NKAIN3: variants seen among roughly 807,000 people sequenced by gnomAD.
NKAIN3 encodes sodium/potassium transporting ATPase interacting 3.
In NKAIN3, 25 loss-of-function variants were observed where a neutral mutation model predicts 30.2. The observed-to-expected ratio is 0.83, with a 90% confidence interval of 0.60 to 1.16. The LOEUF is 1.16. Ranked by LOEUF, NKAIN3 falls within the 50% of genes most tolerant of loss-of-function variation. The pLI, the probability that NKAIN3 is intolerant of heterozygous loss-of-function variation, is 0.00. For missense variants in NKAIN3, 225 were observed against 254.1 expected, an observed-to-expected ratio of 0.89 and a Z score of 0.78; for synonymous variants, 91 against 89.6, an observed-to-expected ratio of 1.02 and a Z score of -0.09.
Position 62,932,279 on chromosome 8 carries a change from C to T in NKAIN3, c.532+13766C>T, listed in dbSNP as rs190585644. Among the ~76,000 whole-genome samples, 8 of 152,250 alleles carry T rather than the reference C, an allele frequency of 5.3e-5. 1 individual carries two copies. The highest frequency in any genetic ancestry group is 3.9e-4 in the Admixed American group (6 of 15,298). ...TGAGTTAGGCCATGCCACAAGGATA[C>T]AGAGATTAATAAAACTCGATCTGCC... On this transcript the variant is annotated intron_variant, in intron 5 of 6. Coordinates refer to ENST00000623646, the MANE Select transcript of NKAIN3 (RefSeq NM_001304533.3).
intron 4 of NKAIN3, among the ~76,000 whole-genome samples, chr8:62,748,409 C>A (rs770010383): frequency 6.6e-6 from 1 of 152,170 alleles, no homozygotes; most frequent in Non-Finnish European, 1.5e-5. Flanking sequence ...GTGAAGTCAA[C>A]ACGCAAGCAT....
chr8:62,870,801 C>G (rs1380361438), intron 4 of NKAIN3, among the ~76,000 whole-genome samples: 1 of 148,260 alleles, frequency 6.7e-6, no homozygotes, highest in Non-Finnish European at 1.5e-5. Flanking sequence ...GGGTCTGTCC[C>G]TCTGGAATGC....
At chr8:62,481,598 G>A (rs1164692942) in intron 1 of NKAIN3, among the ~76,000 whole-genome samples, 2 of 152,192 alleles carry the variant, frequency 1.3e-5, no homozygotes, top group African/African-American at 4.8e-5. Flanking sequence ...GTAAAAGTCT[G>A]TTGATGTGAT....
Position 62,980,405 on chromosome 8 carries a change from CATCT to C in NKAIN3, c.*15002_*15005del, listed in dbSNP as rs1225639665. 1.3e-5 allele frequency: 2 copies of C among 152,094 alleles called. No homozygotes were observed. Among genetic ancestry groups the C allele is most frequent in the African/African-American group, 2.4e-5 (1 of 41,408 alleles). The allele number at this position is 152,094 out of a possible 1,614,324, so 9.4% of individuals were successfully genotyped here. A position where few individuals can be genotyped will look rare whatever the true frequency, so the allele number is the denominator to read the frequency against. ...GTTTTATAAGATAATATACTAGGAC[CATCT>C]ATCAGATATGAAACCAAGCATAATC... On this transcript the variant is annotated 3_prime_UTR_variant, in exon 7 of 7. Coordinates refer to ENST00000623646, the MANE Select transcript of NKAIN3 (RefSeq NM_001304533.3).
chr8:62,578,949 A>C (rs1233207050), intron 1 of NKAIN3, among the ~76,000 whole-genome samples: 2 of 152,046 alleles, frequency 1.3e-5, no homozygotes, highest in African/African-American at 4.8e-5. Context: ...AAATAGAGGT[A>C]GATAGAATGA....
intron 4 of NKAIN3, among the ~76,000 whole-genome samples, chr8:62,895,985 CT>C (rs59333584): frequency 1.3e-5 from 2 of 150,714 alleles, no homozygotes; most frequent in Admixed American, 6.6e-5. Flanking sequence ...TAGATCCTGG[CT>C]TTTTTTTTCT....
At chr8:62,705,474 AG>A (rs1814489079) in intron 3 of NKAIN3, among the ~76,000 whole-genome samples, 1 of 152,200 alleles carries the variant, frequency 6.6e-6, no homozygotes, top group Non-Finnish European at 1.5e-5. Flanking sequence ...CTGGACATTT[AG>A]CCAGTCCTCT....
In NKAIN3 at chr8:62,801,181, G is replaced by T. The variant is rs536872878; in HGVS notation, c.471+54052G>T. Among the ~76,000 whole-genome samples the T allele has an allele frequency of 5.5e-3, 835 of 152,332 alleles. 7 individuals are homozygous for T. The highest frequency in any genetic ancestry group is 0.019 in the African/African-American group (801 of 41,588). On this transcript the variant is annotated intron_variant, in intron 4 of 6. Transcript: ENST00000623646. ...GCCTGCCTCTGTAGGCTCCACCTCT[G>T]GGGGCAGGGCACAGAAAAACAAAAA...
intron 1 of NKAIN3, among the ~76,000 whole-genome samples, chr8:62,543,231 T>C (rs1037207430): frequency 6.6e-6 from 1 of 152,168 alleles, no homozygotes; most frequent in African/African-American, 2.4e-5. Context: ...TCCACACTCA[T>C]ATTATTTTTT....
chr8:62,875,695 G>A (rs938206278), intron 4 of NKAIN3, among the ~76,000 whole-genome samples: 4 of 152,014 alleles, frequency 2.6e-5, no homozygotes, highest in Admixed American at 6.6e-5. Context: ...TCTGATCTTC[G>A]ACAAACTTGA....
At chr8:62,473,707 A>G (rs969908212) in intron 1 of NKAIN3, among the ~76,000 whole-genome samples, 15 of 152,112 alleles carry the variant, frequency 9.9e-5, no homozygotes, top group African/African-American at 3.4e-4. Context: ...ACTTGTCTGC[A>G]TATACATTAT....
intron 1 of NKAIN3, among the ~76,000 whole-genome samples, chr8:62,448,297 G>T (rs555181947): frequency 4.0e-5 from 6 of 151,766 alleles, no homozygotes; most frequent in Non-Finnish European, 7.4e-5. Flanking sequence ...TTTCAGGTTA[G>T]GCCAGATTTT....
At chr8:62,792,023 G>A (rs761716221) in intron 4 of NKAIN3, among the ~76,000 whole-genome samples, 1 of 151,982 alleles carries the variant, frequency 6.6e-6, no homozygotes, top group South Asian at 2.1e-4. Context: ...ATAGTTCCAG[G>A]TATCACTACC....
At position 62,965,830 on chromosome 8, in the gene NKAIN3, C is replaced by T; in HGVS notation, c.*423C>T. 1 of 984,998 alleles carries T rather than the reference C, an allele frequency of 1.0e-6. No homozygotes were observed. 61.0% of individuals were successfully genotyped at this position (984,998 alleles called of 1,614,324 possible). A position where few individuals can be genotyped will look rare whatever the true frequency, so the allele number is the denominator to read the frequency against. On this transcript the variant is annotated 3_prime_UTR_variant, in exon 7 of 7. Transcript: ENST00000623646. Reference sequence around the variant, plus strand: ...GATGAATTTGTTTTAGCAGACATTACCTGTGGTTATCAGCCACCAAGGTAG... The same window carrying T: ...GATGAATTTGTTTTAGCAGACATTATCTGTGGTTATCAGCCACCAAGGTAG...
intron 1 of NKAIN3, among the ~76,000 whole-genome samples, chr8:62,468,040 A>T (rs1806217193): frequency 6.6e-6 from 1 of 151,974 alleles, no homozygotes; most frequent in African/African-American, 2.4e-5. Flanking sequence ...TTTTATTTTT[A>T]ATTGAGTTTA....
rs968063768 is a variant in NKAIN3, at chr8:62,338,544, C to A, written c.54+89417C>A. Among the ~76,000 whole-genome samples the A allele has an allele frequency of 5.9e-5, 9 of 151,988 alleles. No individual in the cohort carries two copies. The South Asian group carries it at 6.2e-4, about 11-fold the overall frequency. ...CTGAAATAGAAAATTTTAAGGTCAG[C>A]TCTTATATTAGGGTTATCTAGAGGG... On this transcript the variant is annotated intron_variant, in intron 1 of 6. Coordinates refer to ENST00000623646, the MANE Select transcript of NKAIN3 (RefSeq NM_001304533.3).
chr8:62,474,862 A>T (rs1806464093), intron 1 of NKAIN3, among the ~76,000 whole-genome samples: 1 of 152,200 alleles, frequency 6.6e-6, no homozygotes, highest in African/African-American at 2.4e-5. Flanking sequence ...GAAAGGGTAA[A>T]TATAAAAGGT....
At chr8:62,817,442 C>T (rs1818718982) in intron 4 of NKAIN3, among the ~76,000 whole-genome samples, 2 of 152,236 alleles carry the variant, frequency 1.3e-5, no homozygotes, top group East Asian at 1.9e-4. Flanking sequence ...CTCCCAGATT[C>T]ACCTTCTTCT....
At chr8:62,446,685 C>T (rs758935007) in intron 1 of NKAIN3, among the ~76,000 whole-genome samples, 55 of 152,080 alleles carry the variant, frequency 3.6e-4, no homozygotes, top group Non-Finnish European at 4.3e-4. Context: ...GATTTGACTA[C>T]GTCAGGTACC....
Sources: allele counts gnomAD v4.1 joint callset (sites outside exome capture counted in the v4.1 genomes callset), GRCh38; gene constraint gnomAD v4.1.1; transcripts MANE v1.5; gene names NCBI Gene and HGNC (gene_info 2026-07-23, HGNC 2026-07-21).